The following BICC1 variants were observed in gnomAD, a reference collection of about 807,000 sequenced individuals.
The protein encoded by BICC1 is BicC family RNA binding protein 1, also known as protein bicaudal C homolog 1.
BICC1 carries 43 observed loss-of-function variants against 111.0 expected under a neutral mutation model. The observed-to-expected ratio is 0.39, with a 90% CI of 0.30 to 0.50. BICC1 has a LOEUF of 0.50. Among genes scored for constraint, BICC1 ranks in the 20% least tolerant of loss-of-function variants. The pLI, the probability that BICC1 is intolerant of heterozygous loss-of-function variation, is 0.88. For missense variants in BICC1, 1,091 were observed against 1,203.2 expected, an observed-to-expected ratio of 0.91 and a Z score of 1.38; for synonymous variants, 467 against 434.4, an observed-to-expected ratio of 1.07 and a Z score of -0.93.
chr10:58,746,179 C>T (rs1441298977), intron 3 of BICC1, among the ~76,000 whole-genome samples: 2 of 152,108 alleles, frequency 1.3e-5, no homozygotes, highest in South Asian at 2.1e-4. Flanking sequence ...ATTTAATCTA[C>T]TTAGCTTTGA....
chr10:58,529,511 A>C (rs975657233), intron 1 of BICC1, among the ~76,000 whole-genome samples: 3 of 151,982 alleles, frequency 2.0e-5, no homozygotes, highest in Non-Finnish European at 2.9e-5. Flanking sequence ...TGTTAAAAGC[A>C]TCACTTAAAG....
rs75009749 is a variant in BICC1, at chr10:58,657,482, C to T, written c.237+36581C>T. Among the ~76,000 whole-genome samples the T allele has an allele frequency of 2.3e-3, 357 of 152,256 alleles. 2 individuals carry two copies. The highest frequency in any genetic ancestry group is 8.1e-3 in the African/African-American group (336 of 41,542). On this transcript the variant is annotated intron_variant, in intron 2 of 20. Coordinates refer to ENST00000373886, the MANE Select transcript of BICC1 (RefSeq NM_001080512.3). ...GAACATTCCCTTGATTGAACTGGCA[C>T]CACCTGCAGGTACACTGTGATTGAG...
intron 14 of BICC1, among the ~76,000 whole-genome samples, chr10:58,802,407 A>G (rs1843576349): frequency 6.6e-6 from 1 of 152,226 alleles, no homozygotes; most frequent in Non-Finnish European, 1.5e-5. Context: ...CTTGATTGAT[A>G]TTGCAATCCC....
chr10:58,709,175 C>A (rs1333943213), intron 3 of BICC1, among the ~76,000 whole-genome samples: 1 of 152,142 alleles, frequency 6.6e-6, no homozygotes, highest in Non-Finnish European at 1.5e-5. Context: ...CTAGATCTTA[C>A]CTTTGTAACT....
At chr10:58,559,110 C>T (rs1290348285) in intron 1 of BICC1, among the ~76,000 whole-genome samples, 1 of 151,838 alleles carries the variant, frequency 6.6e-6, no homozygotes, top group Non-Finnish European at 1.5e-5. Context: ...ATAACCACCC[C>T]CCCAGGACTT....
At chr10:58,679,680 A>G (rs747613926) in intron 2 of BICC1, among the ~76,000 whole-genome samples, 15 of 152,216 alleles carry the variant, frequency 9.9e-5, no homozygotes, top group Non-Finnish European at 1.6e-4. Context: ...TCTCTAACTC[A>G]TTTTATGAGA....
chr10:58,803,633 G>A (rs1169189712), intron 15 of BICC1, among the ~76,000 whole-genome samples: 1 of 152,156 alleles, frequency 6.6e-6, no homozygotes, highest in African/African-American at 2.4e-5. Flanking sequence ...TGATGAATGT[G>A]TTTGGTGCCA....
chr10:58,556,200 T>C (rs1843445431), intron 1 of BICC1, among the ~76,000 whole-genome samples: 1 of 152,126 alleles, frequency 6.6e-6, no homozygotes, highest in South Asian at 2.1e-4. Context: ...ATGTCTAATT[T>C]TTATTGGCAT....
rs1405730484 is a variant in BICC1 at position 58,682,091 on chromosome 10, C to T, written c.238-19983C>T. ...GTCCAAGTGTTCTCATTGTTCAGTT[C>T]CCACCTGTGAGTGAGAACATGCAAT... is the stretch of plus-strand genomic sequence containing the variant. On this transcript the variant is annotated intron_variant, in intron 2 of 20. Coordinates refer to ENST00000373886, the MANE Select transcript of BICC1 (RefSeq NM_001080512.3). Among the ~76,000 whole-genome samples the T allele has an allele frequency of 1.4e-5, 2 of 143,410 alleles. 1 individual carries two copies. Among genetic ancestry groups the T allele is most frequent in the South Asian group, 4.6e-4 (2 of 4,354 alleles). 94.1% of individuals were successfully genotyped at this position (143,410 alleles called of 152,430 possible).
At chr10:58,818,446 A>G (rs1011241935) in intron 19 of BICC1, among the ~76,000 whole-genome samples, 3 of 152,172 alleles carry the variant, frequency 2.0e-5, no homozygotes, top group African/African-American at 7.2e-5. Context: ...TTTCAAATCA[A>G]GACATGGTCC....
In BICC1 at chr10:58,687,106, G is replaced by C. The variant is rs1437465075; in HGVS notation, c.238-14968G>C. On this transcript the variant is annotated intron_variant, in intron 2 of 20. Transcript: ENST00000373886. ...TTCTTTCTTACAGTCAGGACCCTCA[G>C]CTGCAGGTCTGTTGGATTTTGCCGG... 3.3e-5 allele frequency among the ~76,000 whole-genome samples: 5 copies of C among 152,346 alleles called. No individual in the cohort carries two copies. The East Asian group carries it at 9.6e-4, about 29-fold the overall frequency.
chr10:58,787,141 A>AGTT lies in BICC1; in HGVS notation c.546+61_546+63dup, dbSNP rs1004292687. ...GAATTACAGCCTTAATTTAATTTTCAGTTTGCCTATCTTTTTTTTCTGAGA... is the reference window on the plus strand; with the variant it reads ...GAATTACAGCCTTAATTTAATTTTCAGTTGTTTGCCTATCTTTTTTTTCTGAGA... On this transcript the variant is annotated intron_variant, in intron 5 of 20. Coordinates refer to ENST00000373886, the MANE Select transcript of BICC1 (RefSeq NM_001080512.3). The AGTT allele has an allele frequency of 1.7e-5, 24 of 1,439,916 alleles. No individual in the cohort carries two copies. The Admixed American group carries it at 2.6e-4, about 15-fold the overall frequency. The allele number at this position is 1,439,916 out of a possible 1,614,324, so 89.2% of individuals were successfully genotyped here.
At chr10:58,683,088 G>C (rs1461462973) in intron 2 of BICC1, among the ~76,000 whole-genome samples, 1 of 152,112 alleles carries the variant, frequency 6.6e-6, no homozygotes, top group African/African-American at 2.4e-5. Flanking sequence ...TCCAGTTTCA[G>C]CTTTCTACAT....
At chr10:58,802,890 C>T (rs1241597731) in intron 14 of BICC1, among the ~76,000 whole-genome samples, 187 bp from the exon 15 acceptor site, 1 of 152,194 alleles carries the variant, frequency 6.6e-6, no homozygotes, top group African/African-American at 2.4e-5. Context: ...GGACAATATA[C>T]TTCCTTCATC....
At chr10:58,713,976 A>G (rs1840656502) in intron 3 of BICC1, among the ~76,000 whole-genome samples, 1 of 152,284 alleles carries the variant, frequency 6.6e-6, no homozygotes, top group South Asian at 2.1e-4. Context: ...TCATTTGGCA[A>G]TATCTGGAGA....
intron 14 of BICC1, among the ~76,000 whole-genome samples, chr10:58,802,650 G>A (rs1843584806): frequency 6.6e-6 from 1 of 152,098 alleles, no homozygotes; most frequent in Admixed American, 6.6e-5. Context: ...CAAATTGACT[G>A]GATCTCTGTT....
At chr10:58,689,819 C>T (rs906615394) in intron 2 of BICC1, among the ~76,000 whole-genome samples, 1 of 152,164 alleles carries the variant, frequency 6.6e-6, no homozygotes, top group African/African-American at 2.4e-5. Flanking sequence ...TCCCTTTTAC[C>T]ATTTGATTTG....
chr10:58,689,834 T>C (rs10763581), intron 2 of BICC1, among the ~76,000 whole-genome samples: 149,453 of 152,260 alleles, frequency 0.98, 73,417 homozygotes, highest in Middle Eastern at 1. Flanking sequence ...GATTTGACTT[T>C]GCCGAAATTG....
chr10:58,649,445 C>G (rs763133437), intron 2 of BICC1, among the ~76,000 whole-genome samples: 1 of 152,124 alleles, frequency 6.6e-6, no homozygotes, highest in Non-Finnish European at 1.5e-5. Context: ...CAACTAGAGA[C>G]CATCAGATAT....
Sources: gnomAD v4.1 joint callset for allele counts (sites outside exome capture counted in the v4.1 genomes callset) on GRCh38, gnomAD v4.1.1 for gene constraint, MANE v1.5 for transcripts, NCBI Gene and HGNC (gene_info 2026-07-23, HGNC 2026-07-21) for gene names.